The following AGBL4 variants were observed in gnomAD, a reference collection of about 807,000 sequenced individuals.
The protein encoded by AGBL4 is AGBL carboxypeptidase 4.
AGBL4 carries 58 observed loss-of-function variants against 66.4 expected under a neutral mutation model. That is an observed-to-expected ratio of 0.87 (90% confidence interval 0.71 to 1.09). The LOEUF is 1.09. AGBL4 is among the 50% of genes least tolerant of loss of function. The pLI is 0.00. For missense variants in AGBL4, 579 were observed against 631.0 expected (o/e 0.92, Z 0.88); for synonymous variants, 234 against 222.9 (o/e 1.05, Z -0.44).
chr1:49,201,105 T>C (rs958615071), intron 4 of AGBL4, among the ~76,000 whole-genome samples: 2 of 152,218 alleles, frequency 1.3e-5, no homozygotes, highest in African/African-American at 2.4e-5. Flanking sequence ...AGCACAGATA[T>C]ATTCCCTTAG....
At chr1:48,774,687 C>CT (rs1171050634) in intron 6 of AGBL4, among the ~76,000 whole-genome samples, 2 of 152,228 alleles carry the variant, frequency 1.3e-5, no homozygotes, top group African/African-American at 4.8e-5. Context: ...AAACCAACAG[C>CT]TACATGTATC....
At chr1:48,819,756 G>A (rs11205549) in intron 6 of AGBL4, among the ~76,000 whole-genome samples, 10,604 of 152,206 alleles carry the variant, frequency 0.07, 506 homozygotes, top group East Asian at 0.17. Context: ...CTCTTAATAG[G>A]CTTTAGCCCA....
chr1:49,839,812 A>C (rs1161004019), intron 2 of AGBL4, among the ~76,000 whole-genome samples: 1 of 152,224 alleles, frequency 6.6e-6, no homozygotes, highest in African/African-American at 2.4e-5. Flanking sequence ...AATTACAAAA[A>C]GAGGGAAACA....
Position 49,851,468 on chromosome 1 carries a change from T to A in AGBL4, c.85A>T (p.Ile29Leu), listed in dbSNP as rs768191750. The change falls in exon 2 of 14, where the codon ATA (isoleucine) becomes TTA (leucine). Residue 29 changes from isoleucine to leucine, a missense_variant. Physicochemically the swap from Ile to Leu is conservative, Grantham distance 5. Transcript: ENST00000371839. ...CCACAATAGCCAGTTGGAAGCACTA[T>A]ATATTTGCTCACATTCCCTCCAATG... ...DAIGGNVSKYIVLPTGYCGQP... is the reference protein window; with the variant it reads ...DAIGGNVSKYLVLPTGYCGQP... 1.3e-6 allele frequency: 2 copies of A among 1,550,292 alleles called. No individual in the cohort carries two copies. The highest frequency in any genetic ancestry group is 1.7e-6 in the Non-Finnish European group (2 of 1,146,192).
chr1:49,256,561 T>C lies in AGBL4; in HGVS notation c.283-10697A>G, dbSNP rs572572561. 2.6e-5 allele frequency among the ~76,000 whole-genome samples: 4 copies of C among 152,256 alleles called. No homozygotes were observed. In the East Asian group the frequency reaches 5.8e-4, roughly 22 times the overall value. ...GTTAAGTAAATGGAAAAATCTATCATAGACATAGATCGAAGATTCATTATT... is the reference window on the plus strand; with the variant it reads ...GTTAAGTAAATGGAAAAATCTATCACAGACATAGATCGAAGATTCATTATT... On this transcript the variant is annotated intron_variant, in intron 3 of 13. Transcript: ENST00000371839.
intron 4 of AGBL4, among the ~76,000 whole-genome samples, chr1:49,197,568 T>C (rs1046896690): frequency 6.6e-6 from 1 of 152,090 alleles, no homozygotes. Context: ...CGGGAACAGG[T>C]ATTGCTGGCC....
intron 3 of AGBL4, among the ~76,000 whole-genome samples, chr1:49,270,567 A>C (rs1287976002): frequency 2.0e-5 from 3 of 152,194 alleles, no homozygotes; most frequent in Admixed American, 1.3e-4. Context: ...CATGGGTTAC[A>C]TAAACACCAA....
chr1:49,468,463 T>A (rs1398728854), intron 3 of AGBL4, among the ~76,000 whole-genome samples: 2 of 151,608 alleles, frequency 1.3e-5, no homozygotes, highest in African/African-American at 4.8e-5. Context: ...AAAATACAAA[T>A]CCCTAAATTC....
chr1:49,189,149 A>G (rs1233219319), intron 4 of AGBL4, among the ~76,000 whole-genome samples: 1 of 152,196 alleles, frequency 6.6e-6, no homozygotes, highest in Non-Finnish European at 1.5e-5. Flanking sequence ...GATGAGTGGC[A>G]TACATTTGAG....
chr1:49,806,007 C>T (rs1644968844), intron 2 of AGBL4, among the ~76,000 whole-genome samples: 1 of 152,118 alleles, frequency 6.6e-6, no homozygotes, highest in South Asian at 2.1e-4. Flanking sequence ...TCAGGTACTG[C>T]TATAACAAAT....
chr1:48,602,874 C>T (rs980129106), intron 9 of AGBL4, among the ~76,000 whole-genome samples: 8 of 152,158 alleles, frequency 5.3e-5, no homozygotes, highest in Non-Finnish European at 1.0e-4. Context: ...TCCCACCTCT[C>T]TCTTTCTTCA....
chr1:49,022,430 TA>T (rs1222989198), intron 5 of AGBL4, among the ~76,000 whole-genome samples: 1 of 152,110 alleles, frequency 6.6e-6, no homozygotes, highest in Non-Finnish European at 1.5e-5. Flanking sequence ...TATAAATTAA[TA>T]GATTTGACAA....
chr1:49,478,059 G>A (rs958523184), intron 3 of AGBL4, among the ~76,000 whole-genome samples: 1 of 151,714 alleles, frequency 6.6e-6, no homozygotes, highest in African/African-American at 2.4e-5. Context: ...AAGAAAGCCT[G>A]CTTGCAGGAT....
chr1:49,124,596 G>T lies in AGBL4; in HGVS notation c.378-78796C>A, dbSNP rs192355490. Reference sequence around the variant, plus strand: ...TTGAAACCAATTCATTAACCAACTAGCTGTGTGACCCTAGGCAAGTCACCC... The same window carrying T: ...TTGAAACCAATTCATTAACCAACTATCTGTGTGACCCTAGGCAAGTCACCC... On this transcript the variant is annotated intron_variant, in intron 4 of 13. Coordinates refer to ENST00000371839, the MANE Select transcript of AGBL4 (RefSeq NM_032785.4). 5.9e-5 allele frequency among the ~76,000 whole-genome samples: 9 copies of T among 152,312 alleles called. No homozygotes were observed. The East Asian group carries it at 1.7e-3, about 29-fold the overall frequency.
chr1:49,656,521 C>A (rs1178941697), intron 3 of AGBL4, among the ~76,000 whole-genome samples: 7 of 152,162 alleles, frequency 4.6e-5, no homozygotes. Flanking sequence ...CCAGCATCAT[C>A]CTGATACCAA....
Position 49,538,265 on chromosome 1 carries a change from C to G in AGBL4, c.282+159048G>C, listed in dbSNP as rs1320820453. Among the ~76,000 whole-genome samples the G allele has an allele frequency of 3.3e-5, 5 of 152,186 alleles. No individual in the cohort carries two copies. In the East Asian group the frequency reaches 9.6e-4, roughly 29 times the overall value. ...ATATACAAAACAGATTACCATTCAT[C>G]CATCAAAAGGAATGAAATCATGTCT... On this transcript the variant is annotated intron_variant, in intron 3 of 13. Transcript: ENST00000371839.
intron 2 of AGBL4, among the ~76,000 whole-genome samples, chr1:49,847,254 T>C (rs1172248894): frequency 6.6e-6 from 1 of 152,074 alleles, no homozygotes; most frequent in Non-Finnish European, 1.5e-5. Context: ...TACACAAAAA[T>C]CAACTCAAGA....
Position 48,727,178 on chromosome 1 carries a change from T to C in AGBL4, c.635-63937A>G, listed in dbSNP as rs143828180. Among the ~76,000 whole-genome samples, 255 of 152,306 alleles carry C rather than the reference T, an allele frequency of 1.7e-3. 1 individual carries two copies. Among genetic ancestry groups the C allele is most frequent in the African/African-American group, 5.9e-3 (244 of 41,570 alleles). On this transcript the variant is annotated intron_variant, in intron 6 of 13. Transcript: ENST00000371839. The stretch of plus-strand genomic sequence containing the variant: ...ATGAAAGAACCGATACCAGGTAACA[T>C]TGCCCCTAGTTCCTGAATGTAACCC...
chr1:49,342,616 G>A (rs1645563041), intron 3 of AGBL4, among the ~76,000 whole-genome samples: 1 of 152,168 alleles, frequency 6.6e-6, no homozygotes, highest in South Asian at 2.1e-4. Context: ...AAAGGCTTCT[G>A]GGAAGAGCAC....
Sources: allele counts gnomAD v4.1 joint callset (sites outside exome capture counted in the v4.1 genomes callset), GRCh38; gene constraint gnomAD v4.1.1; transcripts MANE v1.5; gene names NCBI Gene and HGNC (gene_info 2026-07-23, HGNC 2026-07-21).